PLSCR2: variants seen among roughly 807,000 people sequenced by gnomAD.
The protein encoded by PLSCR2 is phospholipid scramblase 2.
Under a neutral mutation model 25.3 loss-of-function variants are expected in PLSCR2, and 18 were observed. The ratio of observed to expected loss-of-function variants is 0.71; its 90% CI spans 0.49 to 1.06. The LOEUF (loss-of-function observed/expected upper bound fraction) is 1.06. Among genes scored for constraint, PLSCR2 ranks in the 50% least tolerant of loss-of-function variants. PLSCR2 has a pLI of 0.00. For missense variants in PLSCR2, 243 were observed against 269.5 expected, an observed-to-expected ratio of 0.90 and a Z score of 0.69; for synonymous variants, 88 against 87.3, an observed-to-expected ratio of 1.01 and a Z score of -0.04.
At chr3:146,455,348 C>A (rs78356755) in exon 4 of PLSCR2, 1 of 1,613,180 alleles carries the variant, frequency 6.2e-7, no homozygotes, top group South Asian at 1.1e-5. Flanking sequence ...AGGTCTAGAC[C>A]GCCCACAGCA....
intron 2 of PLSCR2, among the ~76,000 whole-genome samples, chr3:146,421,991 T>C (rs1198151733): frequency 1.3e-5 from 2 of 152,132 alleles, no homozygotes; most frequent in African/African-American, 2.4e-5. Context: ...AGTTGAGTCA[T>C]GAGCGATGGC....
intron 1 of PLSCR2, among the ~76,000 whole-genome samples, chr3:146,467,740 T>C (rs1228943243): frequency 1.3e-5 from 2 of 152,004 alleles, no homozygotes; most frequent in African/African-American, 4.8e-5. Flanking sequence ...GTTGGAGTAG[T>C]GGTGGCATTG....
intron 3 of PLSCR2, among the ~76,000 whole-genome samples, chr3:146,393,979 T>TC (rs2038186326): frequency 6.6e-6 from 1 of 152,192 alleles, no homozygotes; most frequent in South Asian, 2.1e-4. Flanking sequence ...TTTTTAACAC[T>TC]TGTCTCTATA....
At chr3:146,430,402 G>C (rs114017340), downstream of PLSCR2, among the ~76,000 whole-genome samples, 200 of 152,234 alleles carry the variant, frequency 1.3e-3, 1 homozygote, top group African/African-American at 4.6e-3. Flanking sequence ...GCCATTGTAT[G>C]GTGGGTAATA....
intron 1 of PLSCR2, among the ~76,000 whole-genome samples, chr3:146,486,382 C>CTG (rs34135074): frequency 1.2e-4 from 17 of 144,866 alleles, no homozygotes; most frequent in African/African-American, 4.3e-4. Context: ...AATCCAGGAG[C>CTG]TTTTTTTTTT....
At chr3:146,397,774 ATGCATAGTCTACTCTGT>A (rs1220594298) in intron 2 of PLSCR2, among the ~76,000 whole-genome samples, 1 of 152,096 alleles carries the variant, frequency 6.6e-6, no homozygotes, top group Non-Finnish European at 1.5e-5. Flanking sequence ...CCAGAGTTTT[ATGCATAGTCTACTCTGT>A]TACTTTGGCT....
At chr3:146,445,497 C>T (rs1260671891) in intron 6 of PLSCR2, among the ~76,000 whole-genome samples, 1 of 152,018 alleles carries the variant, frequency 6.6e-6, no homozygotes, top group East Asian at 1.9e-4. Context: ...CTCTTCTGAC[C>T]TGAGAAGTCT....
downstream of PLSCR2, among the ~76,000 whole-genome samples, chr3:146,437,014 C>T (rs186410512): frequency 3.4e-3 from 513 of 152,200 alleles, 2 homozygotes; most frequent in Middle Eastern, 0.02. Flanking sequence ...AAGGCCTTTT[C>T]TGTATCTATT....
intron 3 of PLSCR2, among the ~76,000 whole-genome samples, chr3:146,394,909 A>G (rs1419119266): frequency 1.3e-5 from 2 of 152,152 alleles, no homozygotes; most frequent in African/African-American, 2.4e-5. Flanking sequence ...ATGATTTTAT[A>G]TGCATCTGGC....
chr3:146,429,155 T>C (rs929745953), downstream of PLSCR2, among the ~76,000 whole-genome samples: 2 of 152,188 alleles, frequency 1.3e-5, no homozygotes, highest in Admixed American at 6.5e-5. Context: ...ACATGAAGCA[T>C]AGTGCCAGCA....
intron 1 of PLSCR2, among the ~76,000 whole-genome samples, chr3:146,467,822 G>C (rs1258786245): frequency 6.6e-6 from 1 of 152,088 alleles, no homozygotes; most frequent in East Asian, 1.9e-4. Flanking sequence ...TGAGGGGCGT[G>C]GTAGGGCATT....
chr3:146,467,801 A>T (rs1262470485), intron 1 of PLSCR2, among the ~76,000 whole-genome samples: 1 of 152,178 alleles, frequency 6.6e-6, no homozygotes, highest in Non-Finnish European at 1.5e-5. Flanking sequence ...CAGCCAGGCC[A>T]TAGGGATGTA....
chr3:146,480,111 C>T (rs1663060657), intron 1 of PLSCR2, among the ~76,000 whole-genome samples: 1 of 152,162 alleles, frequency 6.6e-6, no homozygotes, highest in Admixed American at 6.5e-5. Flanking sequence ...ATTTATAGCA[C>T]TAAATGCCCA....
intron 2 of PLSCR2, among the ~76,000 whole-genome samples, chr3:146,405,937 G>A (rs36067998): frequency 0.26 from 39,678 of 151,998 alleles, 5,410 homozygotes; most frequent in South Asian, 0.44. Flanking sequence ...TGGAACATAG[G>A]TTCACCTAGA....
At position 146,453,091 on chromosome 3, in the gene PLSCR2, T is replaced by C. The variant is rs543358233; in HGVS notation, c.483+911A>G. Among the ~76,000 whole-genome samples, 29 of 152,172 alleles carry C rather than the reference T, an allele frequency of 1.9e-4. No homozygotes were observed. In the South Asian group the frequency reaches 5.8e-3, roughly 30 times the overall value. On this transcript the variant is annotated intron_variant, in intron 5 of 6. Transcript: ENST00000610787. ...ATTATAAAGTTGAAAAGGGGAAGCATTCATTTTTATATAACCAAATTCTAA... is the reference window on the plus strand; with the variant it reads ...ATTATAAAGTTGAAAAGGGGAAGCACTCATTTTTATATAACCAAATTCTAA...
intron 2 of PLSCR2, among the ~76,000 whole-genome samples, chr3:146,409,989 A>C (rs1226933696): frequency 6.6e-6 from 1 of 152,156 alleles, no homozygotes; most frequent in Non-Finnish European, 1.5e-5. Context: ...CTCCTGGGTC[A>C]GTTGTATCTA....
intron 6 of PLSCR2, 97 bp downstream of exon 6, chr3:146,449,109 C>T: frequency 1.1e-6 from 1 of 920,620 alleles, no homozygotes; most frequent in Non-Finnish European, 1.7e-6. Flanking sequence ...AACCTTTACA[C>T]TTTAAATGGT....
exon 1 of PLSCR2, chr3:146,460,208 G>C (rs2041485617): frequency 7.2e-7 from 1 of 1,387,876 alleles, no homozygotes; most frequent in South Asian, 1.7e-5. Context: ...TGAAGCTTGA[G>C]GTATGTTTTT....
intron 2 of PLSCR2, among the ~76,000 whole-genome samples, chr3:146,411,765 T>C (rs1334467764): frequency 6.6e-6 from 1 of 152,238 alleles, no homozygotes; most frequent in African/African-American, 2.4e-5. Flanking sequence ...GGAGGGGGTC[T>C]AGTTAAAACA....
Sources: gnomAD v4.1 joint callset for allele counts (sites outside exome capture counted in the v4.1 genomes callset) on GRCh38, gnomAD v4.1.1 for gene constraint, MANE v1.5 for transcripts, NCBI Gene and HGNC (gene_info 2026-07-23, HGNC 2026-07-21) for gene names.